MAGI3: variants seen among roughly 807,000 people sequenced by gnomAD.
The protein encoded by MAGI3 is membrane associated guanylate kinase, WW and PDZ domain containing 3.
In MAGI3, 43 loss-of-function variants were observed where a neutral mutation model predicts 121.8. The ratio of observed to expected loss-of-function variants is 0.35; its 90% CI spans 0.28 to 0.46. The LOEUF (loss-of-function observed/expected upper bound fraction) is 0.46. MAGI3 is among the 20% of genes least tolerant of loss of function. MAGI3 has a pLI of 1.00. For synonymous variants in MAGI3, 553 were observed against 639.3 expected, an observed-to-expected ratio of 0.86 and a Z score of 2.04; for missense variants, 1,547 against 1,797.3, an observed-to-expected ratio of 0.86 and a Z score of 2.52.
rs1451527629 is a variant in MAGI3 at position 113,619,793 on chromosome 1, G to A, written c.1134G>A (p.Lys378=). Residue 378 remains lysine, a synonymous_variant, in exon 8 of 21, where the codon AAG becomes AAA. Coordinates refer to ENST00000307546, the MANE Select transcript of MAGI3 (RefSeq NM_001142782.2). ...CAGTGGAGGAAGCCAAAAGGAAAAA[G>A]CAGTTAGGACAGGTTGAAATTGGGT... The part of the protein sequence containing the change: ...ENPVEEAKRK[K]QLGQVEIGSS... The A allele has an allele frequency of 1.2e-6, 2 of 1,613,392 alleles. No individual in the cohort carries two copies. Among genetic ancestry groups the A allele is most frequent in the South Asian group, 1.1e-5 (1 of 91,040 alleles).
At chr1:113,509,969 A>G (rs904687278) in intron 1 of MAGI3, among the ~76,000 whole-genome samples, 3 of 151,974 alleles carry the variant, frequency 2.0e-5, no homozygotes, top group African/African-American at 7.3e-5. Context: ...AGAGCATCAG[A>G]GCATCCGTCT....
At chr1:113,536,969 G>C (rs1315282994) in intron 1 of MAGI3, among the ~76,000 whole-genome samples, 1 of 151,952 alleles carries the variant, frequency 6.6e-6, no homozygotes, top group Non-Finnish European at 1.5e-5. Context: ...TTGCCCCCCT[G>C]TACATTCTCC....
At chr1:113,514,662 T>TA (rs1657796806) in intron 1 of MAGI3, among the ~76,000 whole-genome samples, 1 of 152,210 alleles carries the variant, frequency 6.6e-6, no homozygotes, top group South Asian at 2.1e-4. Context: ...CTTTAGGAGA[T>TA]ACACCTAATG....
chr1:113,523,439 C>G (rs926032462), intron 1 of MAGI3, among the ~76,000 whole-genome samples: 3 of 152,076 alleles, frequency 2.0e-5, no homozygotes, highest in Non-Finnish European at 4.4e-5. Context: ...ATGGCTTTGA[C>G]CGAAATGCTG....
intron 16 of MAGI3, among the ~76,000 whole-genome samples, chr1:113,669,859 C>T (rs889519028): frequency 1.3e-5 from 2 of 152,014 alleles, no homozygotes; most frequent in Admixed American, 1.3e-4. Flanking sequence ...AAGGCAGTGG[C>T]ATGTTTCAAC....
chr1:113,642,034 C>T lies in MAGI3; in HGVS notation c.1484C>T (p.Pro495Leu). The T allele has an allele frequency of 8.7e-6, 14 of 1,614,106 alleles. No individual in the cohort carries two copies. The highest frequency in any genetic ancestry group is 1.2e-5 in the Non-Finnish European group (14 of 1,180,022). ...YVNLTLCRGYPLPDDSEDPVV... is the reference protein window; with the variant it reads ...YVNLTLCRGYLLPDDSEDPVV... ...AACCTCACTTTATGTCGTGGTTATC[C>T]ACTTCCTGATGACAGTGAAGATCCT... Residue 495 changes from proline (P) to leucine (L), a missense_variant, in exon 10 of 21, where the codon CCA becomes CTA. By Grantham distance (98) the Pro-to-Leu change is moderately conservative. Coordinates refer to ENST00000307546, the MANE Select transcript of MAGI3 (RefSeq NM_001142782.2).
chr1:113,588,096 G>C (rs966818358), intron 4 of MAGI3, among the ~76,000 whole-genome samples: 1 of 152,180 alleles, frequency 6.6e-6, no homozygotes, highest in African/African-American at 2.4e-5. Flanking sequence ...AACATACATC[G>C]TGTGTTAGAT....
rs1648378872 is a variant in MAGI3, at chr1:113,683,878, A to G, written c.4310A>G (p.Lys1437Arg). Reference protein sequence around the residue: ...HKGKELEAADKNKETGRFKPE... With the variant: ...HKGKELEAADRNKETGRFKPE... The stretch of plus-strand genomic sequence containing the variant: ...GGGAAAGAACTAGAGGCAGCTGACA[A>G]AAACAAAGAGACTGGAAGGTTCAAA... The change falls in exon 21 of 21, where the codon AAA becomes AGA. Residue 1437 changes from lysine to arginine, a missense_variant. Transcript: ENST00000307546. 6.2e-7 allele frequency: 1 copy of G among 1,612,866 alleles called. No homozygotes were observed. The highest frequency in any genetic ancestry group is 8.5e-7 in the Non-Finnish European group (1 of 1,179,398).
chr1:113,601,555 TA>T (rs1330360900), intron 6 of MAGI3, among the ~76,000 whole-genome samples: 1 of 149,158 alleles, frequency 6.7e-6, no homozygotes, highest in Non-Finnish European at 1.5e-5. Context: ...TGGCAATCAT[TA>T]AAAAGTCAGG....
intron 1 of MAGI3, among the ~76,000 whole-genome samples, chr1:113,429,955 G>T (rs1239546154): frequency 6.6e-6 from 1 of 152,088 alleles, no homozygotes; most frequent in African/African-American, 2.4e-5. Flanking sequence ...TAAACAACTG[G>T]TTCTGAAACA....
chr1:113,631,689 G>A (rs1270447345), intron 9 of MAGI3, among the ~76,000 whole-genome samples: 2 of 152,014 alleles, frequency 1.3e-5, no homozygotes, highest in Non-Finnish European at 2.9e-5. Flanking sequence ...GTTTATCATG[G>A]TATCAAATTA....
intron 2 of MAGI3, among the ~76,000 whole-genome samples, chr1:113,578,492 A>G (rs916566383): frequency 2.0e-5 from 3 of 152,006 alleles, no homozygotes; most frequent in African/African-American, 2.4e-5. Flanking sequence ...AACCCACTGC[A>G]TCACTGCATC....
At chr1:113,393,872 T>C (rs973007337) in intron 1 of MAGI3, among the ~76,000 whole-genome samples, 1 of 152,232 alleles carries the variant, frequency 6.6e-6, no homozygotes, top group African/African-American at 2.4e-5. Context: ...TACTTAGCAC[T>C]CTCTTGTCTT....
chr1:113,619,719 T>G lies in MAGI3; in HGVS notation c.1077-17T>G. Reference sequence around the variant, plus strand: ...TTTTATTTTAAACTGAAATGTATATTTTTCTGCATTCTACAGTCACCTTAA... The same window carrying G: ...TTTTATTTTAAACTGAAATGTATATGTTTCTGCATTCTACAGTCACCTTAA... On this transcript the variant is annotated splice_polypyrimidine_tract_variant and intron_variant, in intron 7 of 20. Coordinates refer to ENST00000307546, the MANE Select transcript of MAGI3 (RefSeq NM_001142782.2). 1 of 1,532,228 alleles carries G rather than the reference T, an allele frequency of 6.5e-7. No homozygotes were observed. Among genetic ancestry groups the G allele is most frequent in the Non-Finnish European group, 9.0e-7 (1 of 1,109,340 alleles). 94.9% of individuals were successfully genotyped at this position (1,532,228 alleles called of 1,614,324 possible).
chr1:113,581,948 TG>T (rs754863557), intron 3 of MAGI3, among the ~76,000 whole-genome samples: 6 of 152,080 alleles, frequency 3.9e-5, no homozygotes, highest in Non-Finnish European at 8.8e-5. Context: ...TGTTTGTTTT[TG>T]TTTTTTTTTA....
chr1:113,434,088 G>T (rs1653439329), intron 1 of MAGI3, among the ~76,000 whole-genome samples: 1 of 152,156 alleles, frequency 6.6e-6, no homozygotes, highest in East Asian at 1.9e-4. Flanking sequence ...TGTGATATTA[G>T]AGCTGTACCC....
chr1:113,538,830 T>A (rs1659126188), intron 1 of MAGI3, among the ~76,000 whole-genome samples: 1 of 152,210 alleles, frequency 6.6e-6, no homozygotes, highest in Non-Finnish European at 1.5e-5. Flanking sequence ...CAATTTATCC[T>A]AGGAATGGTG....
rs1222802553 is a variant in MAGI3 at position 113,391,296 on chromosome 1, T to A, written c.263T>A (p.Leu88Gln). 2.4e-5 allele frequency: 38 copies of A among 1,594,936 alleles called. No homozygotes were observed. The highest frequency in any genetic ancestry group is 3.2e-5 in the Non-Finnish European group (37 of 1,171,986). ...AGCGGGCTCACCAACCGGGACACCC[T>A]GGCTGTCATCCGCCACTTCCGCGAG... ...PVSGLTNRDT[L>Q]AVIRHFREPI... Residue 88 changes from leucine to glutamine, a missense_variant, in exon 1 of 21, where the codon CTG becomes CAG. Transcript: ENST00000307546. This position sits in a 1 kb window ranked among gnomAD's most constrained non-coding sequence, Gnocchi z 4.4.
chr1:113,415,311 A>G (rs1570639341), intron 1 of MAGI3, among the ~76,000 whole-genome samples: 3 of 152,190 alleles, frequency 2.0e-5, no homozygotes, highest in Admixed American at 2.0e-4. Flanking sequence ...TTCCAGACTG[A>G]TTAAAACTGG....
Sources: gnomAD v4.1 joint callset for allele counts (sites outside exome capture counted in the v4.1 genomes callset) on GRCh38, gnomAD v4.1.1 for gene constraint, Gnocchi (gnomAD v3.1) non-coding constraint, MANE v1.5 for transcripts, NCBI Gene and HGNC (gene_info 2026-07-23, HGNC 2026-07-21) for gene names.